ARIH1: variants seen among roughly 807,000 people sequenced by gnomAD.
ARIH1 encodes ariadne RBR E3 ubiquitin protein ligase 1, also known as E3 ubiquitin-protein ligase ARIH1.
Under a neutral mutation model 85.0 loss-of-function variants are expected in ARIH1, and 8 were observed. The observed-to-expected ratio is 0.09, with a 90% CI of 0.06 to 0.17. The LOEUF (loss-of-function observed/expected upper bound fraction) is 0.17, where lower values mean the gene tolerates loss of function less well. Among genes scored for constraint, ARIH1 ranks in the 10% least tolerant of loss-of-function variants. The pLI is 1.00. For synonymous variants in ARIH1, 238 were observed against 253.6 expected (o/e 0.94, Z 0.59); for missense variants, 311 against 718.1 (o/e 0.43, Z 6.48).
Position 72,590,934 on chromosome 15 carries a change from A to G in ARIH1, c.*7642A>G, listed in dbSNP as rs1053240627. The G allele has an allele frequency of 7.2e-5, 11 of 152,172 alleles. No individual in the cohort carries two copies. Among genetic ancestry groups the G allele is most frequent in the African/African-American group, 2.4e-4 (10 of 41,430 alleles). 9.4% of individuals were successfully genotyped at this position (152,172 alleles called of 1,614,324 possible). On this transcript the variant is annotated 3_prime_UTR_variant, in exon 14 of 14. Coordinates refer to ENST00000379887, the MANE Select transcript of ARIH1 (RefSeq NM_005744.5). ...ATTTGGAGGGTGCTCATAGAAATAT[A>G]AAACAAGGCTGGGCATGGCGGCTTA...
At chr15:72,476,427 C>T (rs1461044114) in intron 1 of ARIH1, among the ~76,000 whole-genome samples, 2 of 152,188 alleles carry the variant, frequency 1.3e-5, no homozygotes, top group African/African-American at 4.8e-5. Flanking sequence ...TGCAATGGCG[C>T]AATCTCTGCT....
intron 5 of ARIH1, among the ~76,000 whole-genome samples, chr15:72,560,429 T>C (rs1009847894): frequency 6.6e-6 from 1 of 152,200 alleles, no homozygotes; most frequent in Non-Finnish European, 1.5e-5. Flanking sequence ...CAGGCACTAT[T>C]CTAGTCTCAC....
At chr15:72,554,770 T>C (rs2064167911) in intron 3 of ARIH1, among the ~76,000 whole-genome samples, 1 of 152,108 alleles carries the variant, frequency 6.6e-6, no homozygotes, top group Non-Finnish European at 1.5e-5. Flanking sequence ...TTTGTTTTGT[T>C]TGAGACAGGG....
intron 1 of ARIH1, among the ~76,000 whole-genome samples, chr15:72,500,907 ATAACT>A (rs758727719): frequency 1.2e-4 from 19 of 152,376 alleles, no homozygotes; most frequent in Admixed American, 9.1e-4. Context: ...ATTAAATAAA[ATAACT>A]TAAAAGTGAT....
At position 72,506,164 on chromosome 15, in the gene ARIH1, C is replaced by T. The variant is rs564424608; in HGVS notation, c.376-11903C>T. 8.6e-5 allele frequency among the ~76,000 whole-genome samples: 13 copies of T among 151,848 alleles called. No individual in the cohort carries two copies. The South Asian group carries it at 1.2e-3, about 15-fold the overall frequency. The stretch of plus-strand genomic sequence containing the variant: ...GAGATCGAGACCATCCTGGCTAACA[C>T]GGTGAAACTCTTTCTCTACTAAAAA... On this transcript the variant is annotated intron_variant, in intron 1 of 13. Coordinates refer to ENST00000379887, the MANE Select transcript of ARIH1 (RefSeq NM_005744.5).
chr15:72,524,912 TCTCA>T, intron 2 of ARIH1, among the ~76,000 whole-genome samples: 1 of 152,146 alleles, frequency 6.6e-6, no homozygotes, highest in Non-Finnish European at 1.5e-5. Context: ...TGAGACAGGG[TCTCA>T]CTCTGTCACC....
chr15:72,568,911 G>A lies in ARIH1; in HGVS notation c.1027-1266G>A, dbSNP rs555926729. Reference sequence around the variant, plus strand: ...GCCAAATTGTGCAAATACTAATATAGTGGGTGATCCCTCCTTGGGAGAGTT... The same window carrying A: ...GCCAAATTGTGCAAATACTAATATAATGGGTGATCCCTCCTTGGGAGAGTT... On this transcript the variant is annotated intron_variant, in intron 9 of 13. Transcript: ENST00000379887. Among the ~76,000 whole-genome samples, 3 of 152,216 alleles carry A rather than the reference G, an allele frequency of 2.0e-5. No homozygotes were observed. The South Asian group carries it at 6.2e-4, about 32-fold the overall frequency.
intron 1 of ARIH1, among the ~76,000 whole-genome samples, chr15:72,493,687 G>A (rs10518988): frequency 0.77 from 117,459 of 152,104 alleles, 51,559 homozygotes; most frequent in Non-Finnish European, 0.96. Flanking sequence ...AGATCATTTT[G>A]AGCAAAGAAT....
chr15:72,570,343 A>G (rs1366243880), intron 10 of ARIH1, 36 bp downstream of exon 10: 9 of 1,612,618 alleles, frequency 5.6e-6, no homozygotes, highest in Non-Finnish European at 7.6e-6. Context: ...ATGTGTTTAC[A>G]TAAGTATGTG....
At chr15:72,564,119 T>C (rs532320870) in intron 7 of ARIH1, among the ~76,000 whole-genome samples, 1 of 152,348 alleles carries the variant, frequency 6.6e-6, no homozygotes, top group South Asian at 2.1e-4. Context: ...TGACTTCTTA[T>C]TTCCTTTTGA....
rs570054436 is a variant in ARIH1, at chr15:72,549,467, T to C, written c.588+4503T>C. The stretch of plus-strand genomic sequence containing the variant: ...GAAGTAGGTAAAGGCAGAGTTGAAA[T>C]TGTGAGGAAGGGTGGTCCACCATCC... On this transcript the variant is annotated intron_variant, in intron 3 of 13. Coordinates refer to ENST00000379887, the MANE Select transcript of ARIH1 (RefSeq NM_005744.5). 5.9e-5 allele frequency among the ~76,000 whole-genome samples: 9 copies of C among 152,252 alleles called. No homozygotes were observed. In the East Asian group the frequency reaches 1.7e-3, roughly 29 times the overall value.
chr15:72,487,315 CATACTT>C (rs934753928), intron 1 of ARIH1, among the ~76,000 whole-genome samples: 2 of 152,242 alleles, frequency 1.3e-5, no homozygotes, highest in Non-Finnish European at 2.9e-5. Context: ...TTGAAACTGT[CATACTT>C]ATAACTCAGA....
At position 72,504,203 on chromosome 15, in the gene ARIH1, C is replaced by T. The variant is rs530904680; in HGVS notation, c.376-13864C>T. ...TTGAATAGCTGGGATTACAGGTACC[C>T]GCCACCATGCCCCACTAATTTTTGT... On this transcript the variant is annotated intron_variant, in intron 1 of 13. Transcript: ENST00000379887. Among the ~76,000 whole-genome samples, 7 of 152,246 alleles carry T rather than the reference C, an allele frequency of 4.6e-5. No homozygotes were observed. The South Asian group carries it at 1.5e-3, about 32-fold the overall frequency.
At chr15:72,502,189 A>G (rs1256511230) in intron 1 of ARIH1, among the ~76,000 whole-genome samples, 1 of 152,202 alleles carries the variant, frequency 6.6e-6, no homozygotes, top group Admixed American at 6.5e-5. Flanking sequence ...TCAAATGATT[A>G]TACATAGTGA....
At position 72,537,379 on chromosome 15, in the gene ARIH1, C is replaced by T. The variant is rs965886288; in HGVS notation, c.444-7441C>T. Among the ~76,000 whole-genome samples the T allele has an allele frequency of 2.0e-5, 3 of 152,234 alleles. No homozygotes were observed. The South Asian group carries it at 6.2e-4, about 32-fold the overall frequency. On this transcript the variant is annotated intron_variant, in intron 2 of 13. Transcript: ENST00000379887. ...TAATTTTTTATCAAAGTAACACAAT[C>T]ATGATTTTTTAAAAGTCCAATAGTT... is the stretch of plus-strand genomic sequence containing the variant.
intron 1 of ARIH1, among the ~76,000 whole-genome samples, chr15:72,509,519 A>T (rs1024673934): frequency 1.3e-5 from 2 of 152,024 alleles, no homozygotes; most frequent in East Asian, 3.9e-4. Flanking sequence ...TGTTTAGTCA[A>T]ACCCTCCCCC....
At chr15:72,571,740 A>T (rs1351060028) in intron 10 of ARIH1, among the ~76,000 whole-genome samples, 1 of 152,202 alleles carries the variant, frequency 6.6e-6, no homozygotes, top group Non-Finnish European at 1.5e-5. Flanking sequence ...CTCTTTCTCA[A>T]AAAGTTGAGT....
At position 72,600,388 on chromosome 15, in the gene ARIH1, T is replaced by C. The variant is rs2064378368; in HGVS notation, c.*17096T>C. On this transcript the variant is annotated 3_prime_UTR_variant, in exon 14 of 14. Transcript: ENST00000379887. Reference sequence around the variant, plus strand: ...TGGGATTTTCCTGTGAACATACTTCTTGTTTGTTTGTTTTACAGTGGATCT... The same window carrying C: ...TGGGATTTTCCTGTGAACATACTTCCTGTTTGTTTGTTTTACAGTGGATCT... 6.6e-6 allele frequency: 1 copy of C among 152,232 alleles called. No individual in the cohort carries two copies. The highest frequency in any genetic ancestry group is 1.5e-5 in the Non-Finnish European group (1 of 68,050). 9.4% of individuals were successfully genotyped at this position (152,232 alleles called of 1,614,324 possible). A position where few individuals can be genotyped will look rare whatever the true frequency, so the allele number is the denominator to read the frequency against.
chr15:72,576,233 C>T (rs574688452), intron 11 of ARIH1, among the ~76,000 whole-genome samples: 1 of 152,050 alleles, frequency 6.6e-6, no homozygotes, highest in African/African-American at 2.4e-5. Flanking sequence ...GGGCCGGGCG[C>T]GGTGGCTCAT....
Sources: gnomAD v4.1 joint callset for allele counts (sites outside exome capture counted in the v4.1 genomes callset) on GRCh38, gnomAD v4.1.1 for gene constraint, MANE v1.5 for transcripts, NCBI Gene and HGNC (gene_info 2026-07-23, HGNC 2026-07-21) for gene names.